The following PLOD2 variants were observed in gnomAD, a reference collection of about 807,000 sequenced individuals.
PLOD2 encodes the protein lysine hydroxylase 2.
Under a neutral mutation model 101.0 loss-of-function variants are expected in PLOD2, and 65 were observed. The observed-to-expected ratio is 0.64, with a 90% CI of 0.53 to 0.79. The LOEUF (loss-of-function observed/expected upper bound fraction) is 0.79, where lower values mean the gene tolerates loss of function less well. Among genes scored for constraint, PLOD2 ranks in the 30% least tolerant of loss-of-function variants. PLOD2 has a pLI of 0.00. For synonymous variants in PLOD2, 314 were observed against 302.9 expected (o/e 1.04, Z -0.38); for missense variants, 909 against 914.6 (o/e 0.99, Z 0.08).
chr3:146,077,925 C>A lies in PLOD2; in HGVS notation c.1501-1G>T. On this transcript the variant is annotated splice_acceptor_variant, in intron 13 of 19. Coordinates refer to ENST00000282903, the MANE Select transcript of PLOD2 (RefSeq NM_182943.3). LOFTEE classifies it high-confidence loss of function. ...GGGAGTCTTTTTCCCTTTGTAAAGTCTAAAATGAAGAGAAGCATTGGGTAA... is the reference window on the plus strand; with the variant it reads ...GGGAGTCTTTTTCCCTTTGTAAAGTATAAAATGAAGAGAAGCATTGGGTAA... 6.3e-7 allele frequency: 1 copy of A among 1,583,108 alleles called. No homozygotes were observed. The highest frequency in any genetic ancestry group is 1.1e-5 in the South Asian group (1 of 90,334).
intron 1 of PLOD2, among the ~76,000 whole-genome samples, chr3:146,148,461 G>A (rs1045334653): frequency 6.6e-6 from 1 of 151,840 alleles, no homozygotes; most frequent in African/African-American, 2.4e-5. Flanking sequence ...TCAGAGGAAT[G>A]AGAAAAAAAT....
At position 146,127,683 on chromosome 3, in the gene PLOD2, T is replaced by A. The variant is rs138167560; in HGVS notation, c.110-3454A>T. Among the ~76,000 whole-genome samples the A allele has an allele frequency of 4.1e-3, 620 of 152,202 alleles. 8 individuals carry two copies. The highest frequency in any genetic ancestry group is 0.014 in the African/African-American group (599 of 41,540). Reference sequence around the variant, plus strand: ...ATGTAATGACTTCTTTCCCTTTGAGTAGATACCCAGTACTGCGATGGCTGA... The same window carrying A: ...ATGTAATGACTTCTTTCCCTTTGAGAAGATACCCAGTACTGCGATGGCTGA... On this transcript the variant is annotated intron_variant, in intron 1 of 19. Transcript: ENST00000282903.
At chr3:146,102,257 C>T (rs910009037) in intron 7 of PLOD2, among the ~76,000 whole-genome samples, 1 of 152,138 alleles carries the variant, frequency 6.6e-6, no homozygotes, top group Non-Finnish European at 1.5e-5. Flanking sequence ...CTCAATTATA[C>T]ACATTTGAAA....
intron 3 of PLOD2, among the ~76,000 whole-genome samples, chr3:146,111,476 C>G (rs1381282438): frequency 6.6e-6 from 1 of 151,946 alleles, no homozygotes; most frequent in Non-Finnish European, 1.5e-5. Flanking sequence ...GTATCTATAT[C>G]CTCAAGTTAT....
chr3:146,109,481 G>A (rs1937589802), intron 4 of PLOD2, among the ~76,000 whole-genome samples: 1 of 152,164 alleles, frequency 6.6e-6, no homozygotes, highest in Admixed American at 6.5e-5. Flanking sequence ...ACCTGAAGCA[G>A]CACTTATTTT....
At chr3:146,140,002 T>C (rs749798986) in intron 1 of PLOD2, among the ~76,000 whole-genome samples, 4 of 152,042 alleles carry the variant, frequency 2.6e-5, no homozygotes, top group Admixed American at 6.6e-5. Context: ...CACAAAAACA[T>C]AGCAAGGCAT....
chr3:146,119,714 T>C (rs576705266), intron 3 of PLOD2, among the ~76,000 whole-genome samples: 64 of 152,190 alleles, frequency 4.2e-4, no homozygotes, highest in African/African-American at 1.4e-3. Context: ...GTCCTTGCGA[T>C]AGTTTGCTGA....
In PLOD2 at chr3:146,088,638, AAT is replaced by A; in HGVS notation, c.951_952del (p.Leu318ValfsTer11). On this transcript the variant is annotated frameshift_variant, in exon 9 of 20. Coordinates refer to ENST00000282903, the MANE Select transcript of PLOD2 (RefSeq NM_182943.3). LOFTEE classifies it high-confidence loss of function. ...TTCTTTTGGGTAATCCAGTGTCAACAATATGTCCAGAAACCGAGGTAGAAAAG... is the reference window on the plus strand; with the variant it reads ...TTCTTTTGGGTAATCCAGTGTCAACAATGTCCAGAAACCGAGGTAGAAAAG... 1 of 1,600,690 alleles carries A rather than the reference AAT, an allele frequency of 6.2e-7. No homozygotes were observed. Among genetic ancestry groups the A allele is most frequent in the Non-Finnish European group, 8.6e-7 (1 of 1,168,274 alleles).
intron 11 of PLOD2, among the ~76,000 whole-genome samples, chr3:146,084,798 C>T (rs1248878268): frequency 6.6e-6 from 1 of 152,032 alleles, no homozygotes; most frequent in Admixed American, 6.6e-5. Context: ...CTAAGGACTA[C>T]AACTCTGTAT....
chr3:146,107,785 A>G (rs757951536), intron 4 of PLOD2, among the ~76,000 whole-genome samples: 2 of 151,800 alleles, frequency 1.3e-5, no homozygotes, highest in Non-Finnish European at 2.9e-5. Context: ...TTGGGATTAC[A>G]GGCACCCATC....
At chr3:146,088,912 G>A (rs2108024531) in intron 8 of PLOD2, 1 of 555,382 alleles carries the variant, frequency 1.8e-6, no homozygotes, top group East Asian at 3.1e-5. Context: ...TGATTTTACT[G>A]AATCCCATCT....
chr3:146,127,442 A>G (rs559637675), intron 1 of PLOD2, among the ~76,000 whole-genome samples: 1 of 152,004 alleles, frequency 6.6e-6, no homozygotes, highest in African/African-American at 2.4e-5. Flanking sequence ...CGGTTTTCCA[A>G]GTTAGCTCAC....
chr3:146,102,765 C>T lies in PLOD2; in HGVS notation c.767G>A (p.Gly256Glu). The T allele has an allele frequency of 6.5e-7, 1 of 1,549,706 alleles. No individual in the cohort carries two copies. Among genetic ancestry groups the T allele is most frequent in the Non-Finnish European group, 8.9e-7 (1 of 1,121,520 alleles). The change falls in exon 7 of 20, where the codon GGA (glycine) becomes GAA (glutamate). Residue 256 changes from glycine to glutamate, a missense_variant. By Grantham distance (98) the Gly-to-Glu change is moderately conservative (BLOSUM62 -2). Coordinates refer to ENST00000282903, the MANE Select transcript of PLOD2 (RefSeq NM_182943.3). ...ETLPVAINGN[G>E]PTKILLNYFG... ...GTAACTGTTACTTACCTTGGTGGGT[C>T]CATTTCCATTAATTGCCACTGGTAA...
At position 146,110,386 on chromosome 3, in the gene PLOD2, T is replaced by C. The variant is rs771194174; in HGVS notation, c.401A>G (p.His134Arg). ...EVLKKFQKAN[H>R]KVVFAADGIL... ...TCCATCTGCTGCAAAGACCACTTTG[T>C]GGTTTGCCTTTTGGAATTTTTTTAG... Residue 134 changes from histidine to arginine, a missense_variant, in exon 4 of 20, where the codon CAC (histidine) becomes CGC (arginine). By Grantham distance (29) the His-to-Arg change is conservative. Transcript: ENST00000282903. 1.2e-6 allele frequency: 2 copies of C among 1,613,584 alleles called. No homozygotes were observed. The highest frequency in any genetic ancestry group is 1.7e-6 in the Non-Finnish European group (2 of 1,179,730).
chr3:146,105,147 A>C (rs1207544347), intron 5 of PLOD2: 2 of 152,214 alleles, frequency 1.3e-5, no homozygotes, highest in Non-Finnish European at 2.9e-5. Flanking sequence ...CCTACTTCTT[A>C]ATTACTTTCA....
At chr3:146,125,371 A>T (rs2030486891) in intron 1 of PLOD2, among the ~76,000 whole-genome samples, 1 of 145,528 alleles carries the variant, frequency 6.9e-6, no homozygotes, top group South Asian at 2.2e-4. Flanking sequence ...AGAAATACTA[A>T]ATTCAAACAT....
At chr3:146,103,119 GCTGT>G (rs1400086510) in intron 6 of PLOD2, among the ~76,000 whole-genome samples, 7 of 152,196 alleles carry the variant, frequency 4.6e-5, no homozygotes, top group Non-Finnish European at 8.8e-5. Context: ...AAGCCAGTGA[GCTGT>G]CTGTCAGAAT....
At chr3:146,141,881 G>T (rs751275158) in intron 1 of PLOD2, among the ~76,000 whole-genome samples, 1 of 152,070 alleles carries the variant, frequency 6.6e-6, no homozygotes, top group African/African-American at 2.4e-5. Flanking sequence ...TTTTAACAGA[G>T]AAAGTTATTT....
At chr3:146,095,869 CT>C (rs1351619661) in intron 7 of PLOD2, among the ~76,000 whole-genome samples, 3 of 127,456 alleles carry the variant, frequency 2.4e-5, no homozygotes, top group African/African-American at 9.5e-5. Context: ...CCCCTCTCCC[CT>C]CTCCCCTCTC....
Sources: allele counts gnomAD v4.1 joint callset (sites outside exome capture counted in the v4.1 genomes callset), GRCh38; gene constraint gnomAD v4.1.1; transcripts MANE v1.5; gene names NCBI Gene and HGNC (gene_info 2026-07-23, HGNC 2026-07-21).